FBXL13: variants seen among roughly 807,000 people sequenced by gnomAD.
FBXL13 encodes F-box and leucine-rich repeat protein 13.
Under a neutral mutation model 83.6 loss-of-function variants are expected in FBXL13, and 67 were observed. The ratio of observed to expected loss-of-function variants is 0.80; its 90% CI spans 0.66 to 0.98. FBXL13 has a LOEUF of 0.98. Ranked by LOEUF, FBXL13 falls within the 50% of genes least tolerant of loss-of-function variation. The pLI is 0.00. For missense variants in FBXL13, 822 were observed against 866.5 expected, an observed-to-expected ratio of 0.95 and a Z score of 0.64; for synonymous variants, 272 against 299.5, an observed-to-expected ratio of 0.91 and a Z score of 0.95.
chr7:102,974,918 C>A (rs1827245099), intron 6 of FBXL13, among the ~76,000 whole-genome samples: 1 of 152,190 alleles, frequency 6.6e-6, no homozygotes, highest in African/African-American at 2.4e-5. Flanking sequence ...CTCCTCAGGA[C>A]AATTCTAGCA....
chr7:102,930,199 AG>A (rs1405601193), intron 9 of FBXL13, among the ~76,000 whole-genome samples: 1 of 152,198 alleles, frequency 6.6e-6, no homozygotes, highest in Non-Finnish European at 1.5e-5. Flanking sequence ...GAGAGGTAGC[AG>A]GGAGGGGCCA....
chr7:102,906,107 C>T (rs1448379615), intron 11 of FBXL13, among the ~76,000 whole-genome samples: 1 of 152,098 alleles, frequency 6.6e-6, no homozygotes, highest in African/African-American at 2.4e-5. Flanking sequence ...CTGATAAAAC[C>T]ATCAGATCTT....
At chr7:102,973,803 A>G (rs1313907083) in intron 6 of FBXL13, 2 of 738,334 alleles carry the variant, frequency 2.7e-6, no homozygotes, top group Non-Finnish European at 5.0e-6. Flanking sequence ...TTAACAAGGA[A>G]AAATCCATAC....
At chr7:103,052,254 T>C (rs745470973) in intron 2 of FBXL13, among the ~76,000 whole-genome samples, 2 of 152,186 alleles carry the variant, frequency 1.3e-5, no homozygotes, top group South Asian at 4.1e-4. Context: ...TCATTTAGTA[T>C]ACTATACATT....
At chr7:102,966,528 T>A (rs1035926181) in intron 7 of FBXL13, among the ~76,000 whole-genome samples, 2 of 152,160 alleles carry the variant, frequency 1.3e-5, no homozygotes, top group Non-Finnish European at 2.9e-5. Flanking sequence ...ATTTAGATAA[T>A]GAAATGTCTT....
At chr7:103,067,129 A>G (rs1469579056) in intron 1 of FBXL13, among the ~76,000 whole-genome samples, 1 of 151,954 alleles carries the variant, frequency 6.6e-6, no homozygotes, top group Non-Finnish European at 1.5e-5. Flanking sequence ...ATGTAGGACT[A>G]TGGATATTGA....
intron 2 of FBXL13, 111 bp downstream of exon 3, chr7:103,054,977 C>T (rs1053161209): frequency 3.8e-5 from 21 of 554,716 alleles, no homozygotes; most frequent in Non-Finnish European, 5.0e-5. Flanking sequence ...TCGGTGCCCC[C>T]AACAACAAAA....
In FBXL13 at chr7:102,973,722, C is replaced by T. The variant is rs186683445; in HGVS notation, c.496-5605G>A. On this transcript the variant is annotated intron_variant, in intron 6 of 19. Coordinates refer to ENST00000313221, the Ensembl canonical transcript of FBXL13. ...AGCCGGACAAAGGAAGCTCCTCAGC[C>T]TCCAGTTGCTTCTCTGTGCATGCAC... 28 of 766,352 alleles carry T rather than the reference C, an allele frequency of 3.7e-5. No individual in the cohort carries two copies. In the African/African-American group the frequency reaches 4.2e-4, roughly 12 times the overall value. 47.5% of individuals were successfully genotyped at this position (766,352 alleles called of 1,614,324 possible). A position where few individuals can be genotyped will look rare whatever the true frequency, so the allele number is the denominator to read the frequency against.
intron 16 of FBXL13, among the ~76,000 whole-genome samples, chr7:102,860,533 C>T (rs1806657197): frequency 6.6e-6 from 1 of 152,174 alleles, no homozygotes; most frequent in African/African-American, 2.4e-5. Flanking sequence ...AGATGGAACA[C>T]TGCCAGGAAC....
intron 6 of FBXL13, among the ~76,000 whole-genome samples, chr7:102,997,124 A>G (rs1027782180): frequency 4.6e-5 from 7 of 152,238 alleles, no homozygotes; most frequent in African/African-American, 1.7e-4. Context: ...GAATATTTTT[A>G]TAGTTATTGA....
At chr7:102,876,660 G>T (rs1368706235) in intron 16 of FBXL13, among the ~76,000 whole-genome samples, 1 of 152,136 alleles carries the variant, frequency 6.6e-6, no homozygotes, top group Non-Finnish European at 1.5e-5. Flanking sequence ...AAATTCCAGT[G>T]CTTGCCTGCA....
chr7:102,826,601 T>C (rs1799656916), intron 18 of FBXL13, among the ~76,000 whole-genome samples: 1 of 150,132 alleles, frequency 6.7e-6, no homozygotes, highest in Admixed American at 6.6e-5. Context: ...CTGGGTATGC[T>C]AGTAGTCCAG....
intron 8 of FBXL13, chr7:102,933,935 A>G: frequency 6.2e-7 from 1 of 1,611,022 alleles, no homozygotes; most frequent in Non-Finnish European, 8.5e-7. Flanking sequence ...TACCATTGTA[A>G]TCTTGCTCTG....
chr7:102,855,982 T>G (rs1329554073), intron 16 of FBXL13, among the ~76,000 whole-genome samples: 3 of 152,148 alleles, frequency 2.0e-5, no homozygotes, highest in African/African-American at 7.2e-5. Context: ...TTAATGGTAT[T>G]GCATACCACT....
intron 8 of FBXL13, chr7:102,945,079 A>C (rs540791434): frequency 6.5e-6 from 1 of 152,822 alleles, no homozygotes; most frequent in African/African-American, 2.4e-5. Context: ...ACATTAAATA[A>C]ATTTCCATTT....
At chr7:102,906,951 G>GT (rs996345122) in intron 11 of FBXL13, among the ~76,000 whole-genome samples, 20 of 151,194 alleles carry the variant, frequency 1.3e-4, no homozygotes, top group African/African-American at 3.9e-4. Flanking sequence ...GTTTGATTGG[G>GT]TTTTTTTTGT....
chr7:102,916,286 C>T (rs1161229164), intron 10 of FBXL13, among the ~76,000 whole-genome samples: 2 of 152,088 alleles, frequency 1.3e-5, no homozygotes, highest in African/African-American at 2.4e-5. Context: ...TGCAACTAGC[C>T]GAGATGAGTT....
intron 17 of FBXL13, among the ~76,000 whole-genome samples, chr7:102,833,521 C>G (rs1320674576): frequency 6.7e-6 from 1 of 149,004 alleles, no homozygotes; most frequent in Non-Finnish European, 1.5e-5. Flanking sequence ...CAACCTCTGT[C>G]TGCCAGGTTC....
intron 10 of FBXL13, among the ~76,000 whole-genome samples, chr7:102,916,992 A>G (rs1038597707): frequency 3.9e-5 from 6 of 152,132 alleles, no homozygotes; most frequent in African/African-American, 1.4e-4. Context: ...AGATGAATGG[A>G]AAAGTATGTA....
Sources: gnomAD v4.1 joint callset for allele counts (sites outside exome capture counted in the v4.1 genomes callset) on GRCh38, gnomAD v4.1.1 for gene constraint, MANE v1.5 for transcripts, NCBI Gene and HGNC (gene_info 2026-07-23, HGNC 2026-07-21) for gene names.